The following PSPC1 variants were observed in gnomAD, a reference collection of about 807,000 sequenced individuals.
PSPC1 encodes paraspeckle component 1, also known as paraspeckle protein 1.
In PSPC1, 14 loss-of-function variants were observed where a neutral mutation model predicts 51.6. That is an observed-to-expected ratio of 0.27 (90% CI 0.18 to 0.42). PSPC1 has a LOEUF of 0.42. Among genes scored for constraint, PSPC1 ranks in the 10% least tolerant of loss-of-function variants. The pLI, the probability that PSPC1 is intolerant of heterozygous loss-of-function variation, is 1.00. For missense variants in PSPC1, 406 were observed against 701.1 expected, an observed-to-expected ratio of 0.58 and a Z score of 4.75; for synonymous variants, 193 against 231.9, an observed-to-expected ratio of 0.83 and a Z score of 1.53.
At chr13:19,702,179 T>C (rs1345128178), downstream of PSPC1, among the ~76,000 whole-genome samples, 1 of 152,146 alleles carries the variant, frequency 6.6e-6, no homozygotes, top group Non-Finnish European at 1.5e-5. Flanking sequence ...TGGAGACAAA[T>C]GGTCCTAACC....
At chr13:19,671,914 A>C (rs1370462649), downstream of PSPC1, 6 of 1,598,410 alleles carry the variant, frequency 3.8e-6, no homozygotes, top group South Asian at 6.6e-5. Flanking sequence ...CTTCAGACCG[A>C]TTCCTATACT....
intron 5 of PSPC1, among the ~76,000 whole-genome samples, chr13:19,736,366 A>T (rs2137987748): frequency 6.6e-6 from 1 of 152,172 alleles, no homozygotes; most frequent in South Asian, 2.1e-4. Context: ...AGATTACATA[A>T]TAAAAAAAAT....
At chr13:19,691,323 C>A (rs1482341829) in intron 6 of PSPC1, among the ~76,000 whole-genome samples, 1 of 152,062 alleles carries the variant, frequency 6.6e-6, no homozygotes, top group Non-Finnish European at 1.5e-5. Context: ...GAGTTTGAGA[C>A]CAGCCTGGGA....
Position 19,730,304 on chromosome 13 carries a change from G to A in PSPC1, c.1093C>T (p.Arg365Ter). ...EHRRREEEMI[R>*]HREQEELRRQ... ...CTCAGTTCCTCCTGTTCTCTGTGTCGGATCATTTCTTCCTCACGCCGCCGA... is the reference window on the plus strand; with the variant it reads ...CTCAGTTCCTCCTGTTCTCTGTGTCAGATCATTTCTTCCTCACGCCGCCGA... Residue 365 changes from arginine (R) to a stop codon, truncating the protein, a stop_gained, in exon 6 of 9, where the codon CGA (arginine) becomes TGA (stop). Coordinates refer to ENST00000338910, the MANE Select transcript of PSPC1 (RefSeq NM_001354909.2). LOFTEE classifies it high-confidence loss of function. 2.5e-6 allele frequency: 4 copies of A among 1,613,508 alleles called. No homozygotes were observed. Among genetic ancestry groups the A allele is most frequent in the Non-Finnish European group, 3.4e-6 (4 of 1,179,836 alleles).
intron 6 of PSPC1, among the ~76,000 whole-genome samples, chr13:19,686,792 T>G (rs2137617994): frequency 6.6e-6 from 1 of 152,346 alleles, no homozygotes; most frequent in Non-Finnish European, 1.5e-5. Context: ...ATGATGGCTA[T>G]AATGAAGGGC....
chr13:19,697,793 T>G (rs1002429049), downstream of PSPC1, among the ~76,000 whole-genome samples: 1 of 152,080 alleles, frequency 6.6e-6, no homozygotes, highest in African/African-American at 2.4e-5. Context: ...CATATTTAAA[T>G]CTAAAGAATG....
At position 19,778,358 on chromosome 13, in the gene PSPC1, TCCC is replaced by T. The variant is rs1566061374; in HGVS notation, c.372+4025_372+4027del. ...AATTTTCTCTACATATTAAGACCTC[TCCC>T]TCTCCCCCTCCCCCTCCCCCTCCCC... On this transcript the variant is annotated intron_variant, in intron 1 of 8. Transcript: ENST00000338910. 9.4e-4 allele frequency among the ~76,000 whole-genome samples: 48 copies of T among 50,986 alleles called. 1 individual carries two copies. The South Asian group carries it at 0.054, about 57-fold the overall frequency. 33.4% of individuals were successfully genotyped at this position (50,986 alleles called of 152,430 possible).
intron 6 of PSPC1, among the ~76,000 whole-genome samples, chr13:19,712,314 A>G (rs889459624): frequency 6.6e-6 from 1 of 152,182 alleles, no homozygotes; most frequent in Middle Eastern, 3.2e-3. Context: ...TTGAGATTTC[A>G]ATTTTCAACT....
downstream of PSPC1, among the ~76,000 whole-genome samples, chr13:19,697,548 T>C (rs955939852): frequency 6.6e-6 from 1 of 152,156 alleles, no homozygotes; most frequent in Admixed American, 6.5e-5. Flanking sequence ...TTACTCCCAT[T>C]ACCATTTTCA....
chr13:19,721,875 G>A (rs957992509), intron 6 of PSPC1, among the ~76,000 whole-genome samples: 32 of 152,162 alleles, frequency 2.1e-4, no homozygotes, highest in Non-Finnish European at 2.2e-4. Flanking sequence ...AATCACGTAT[G>A]AAGTCTATAA....
At chr13:19,735,130 G>A (rs1884631916) in intron 5 of PSPC1, among the ~76,000 whole-genome samples, 1 of 152,034 alleles carries the variant, frequency 6.6e-6, no homozygotes, top group South Asian at 2.1e-4. Context: ...TGGCCAACAT[G>A]GTAAAACCAC....
At chr13:19,697,569 C>T (rs574090991), downstream of PSPC1, among the ~76,000 whole-genome samples, 8 of 152,240 alleles carry the variant, frequency 5.3e-5, no homozygotes, top group African/African-American at 1.7e-4. Context: ...GTTATCTGAA[C>T]TTCTCACTCC....
At chr13:19,756,926 G>A (rs1398571681) in intron 3 of PSPC1, among the ~76,000 whole-genome samples, 2 of 151,784 alleles carry the variant, frequency 1.3e-5, no homozygotes, top group South Asian at 4.2e-4. Flanking sequence ...TCAGGAAATC[G>A]AGACCATCCT....
At chr13:19,710,121 T>A (rs1288250512) in intron 6 of PSPC1, among the ~76,000 whole-genome samples, 1 of 151,358 alleles carries the variant, frequency 6.6e-6, no homozygotes, top group East Asian at 1.9e-4. Context: ...TGTATTTGTA[T>A]TCATCTACTC....
At chr13:19,753,725 A>G (rs1324444646) in intron 3 of PSPC1, among the ~76,000 whole-genome samples, 1 of 152,172 alleles carries the variant, frequency 6.6e-6, no homozygotes, top group Non-Finnish European at 1.5e-5. Flanking sequence ...AGGAGAGAAG[A>G]AGGCTGTCAC....
chr13:19,745,077 G>A (rs943267890), intron 4 of PSPC1, among the ~76,000 whole-genome samples: 31 of 152,170 alleles, frequency 2.0e-4, no homozygotes, highest in African/African-American at 7.5e-4. Flanking sequence ...CAGCACTTTG[G>A]GAGGCTGAGG....
At chr13:19,779,372 G>A (rs1160827079) in intron 1 of PSPC1, among the ~76,000 whole-genome samples, 2 of 111,510 alleles carry the variant, frequency 1.8e-5, no homozygotes, top group Admixed American at 1.6e-4. Flanking sequence ...CCGTCCGGGA[G>A]GGAGGTGGGG....
chr13:19,701,550 G>A (rs1403302502), downstream of PSPC1, among the ~76,000 whole-genome samples: 2 of 152,028 alleles, frequency 1.3e-5, no homozygotes, highest in African/African-American at 2.4e-5. Context: ...CACAAATTTT[G>A]GAAAATAGTT....
At chr13:19,763,280 C>G (rs1268659402) in intron 2 of PSPC1, among the ~76,000 whole-genome samples, 1 of 152,132 alleles carries the variant, frequency 6.6e-6, no homozygotes, top group Non-Finnish European at 1.5e-5. Context: ...TTCAGCCTCC[C>G]AAAGTGCTGG....
Sources: allele counts gnomAD v4.1 joint callset (sites outside exome capture counted in the v4.1 genomes callset), GRCh38; gene constraint gnomAD v4.1.1; transcripts MANE v1.5; gene names NCBI Gene and HGNC (gene_info 2026-07-23, HGNC 2026-07-21).